SLC2A9: variants seen among roughly 807,000 people sequenced by gnomAD.
SLC2A9 encodes the protein solute carrier family 2, facilitated glucose transporter member 9.
SLC2A9 carries 39 observed loss-of-function variants against 50.6 expected under a neutral mutation model. That is an observed-to-expected ratio of 0.77 (90% CI 0.60 to 1.01). The LOEUF is 1.01. Among genes scored for constraint, SLC2A9 ranks in the 50% least tolerant of loss-of-function variants. SLC2A9 has a pLI of 0.00. For synonymous variants in SLC2A9, 324 were observed against 276.9 expected (o/e 1.17, Z -1.69); for missense variants, 686 against 677.6 (o/e 1.01, Z -0.14).
At chr4:9,788,359 T>TTG (rs1719488385) in intron 3 of SLC2A9, among the ~76,000 whole-genome samples, 1 of 148,116 alleles carries the variant, frequency 6.8e-6, no homozygotes, top group African/African-American at 2.5e-5. Flanking sequence ...CCAGGTAATT[T>TTG]TTTTTTTTTT....
At chr4:9,833,933 T>C (rs1726608333) in intron 11 of SLC2A9, among the ~76,000 whole-genome samples, 1 of 152,196 alleles carries the variant, frequency 6.6e-6, no homozygotes, top group African/African-American at 2.4e-5. Context: ...CTGGGCCCCT[T>C]GCTCTGTGCA....
chr4:9,985,454 C>G (rs1756547098), intron 4 of SLC2A9, among the ~76,000 whole-genome samples: 1 of 152,150 alleles, frequency 6.6e-6, no homozygotes, highest in Non-Finnish European at 1.5e-5. Flanking sequence ...CGGACCCTGC[C>G]CAGCATTCCT....
chr4:10,031,694 A>G (rs1763945020), intron 1 of SLC2A9, among the ~76,000 whole-genome samples: 1 of 152,256 alleles, frequency 6.6e-6, no homozygotes, highest in African/African-American at 2.4e-5. Flanking sequence ...AAGGGGCCGG[A>G]GGACTCCGTT....
chr4:9,948,607 C>T (rs1749636301), intron 5 of SLC2A9, among the ~76,000 whole-genome samples: 1 of 152,222 alleles, frequency 6.6e-6, no homozygotes, highest in African/African-American at 2.4e-5. Flanking sequence ...GAACAAACTG[C>T]ATCCAATGGC....
intron 8 of SLC2A9, among the ~76,000 whole-genome samples, chr4:9,893,307 C>A (rs1256890386): frequency 6.6e-6 from 1 of 151,988 alleles, no homozygotes; most frequent in African/African-American, 2.4e-5. Flanking sequence ...TTTCCCAGAG[C>A]CTGGAAGAAT....
chr4:10,002,837 A>T (rs1266573035), intron 2 of SLC2A9, among the ~76,000 whole-genome samples: 4 of 140,214 alleles, frequency 2.9e-5, no homozygotes, highest in Non-Finnish European at 6.1e-5. Flanking sequence ...TGGGGGACTG[A>T]GCGAGACTCC....
intron 10 of SLC2A9, among the ~76,000 whole-genome samples, chr4:9,859,278 C>T (rs141063862): frequency 2.1e-4 from 32 of 152,278 alleles, no homozygotes; most frequent in African/African-American, 7.2e-4. Flanking sequence ...GAAGCCAGGT[C>T]TATTGGGCTG....
intron 11 of SLC2A9, among the ~76,000 whole-genome samples, chr4:9,832,704 C>A (rs1004159230): frequency 2.6e-5 from 4 of 152,148 alleles, no homozygotes; most frequent in Non-Finnish European, 5.9e-5. Flanking sequence ...AAAAAATTAT[C>A]TAGGTTTGGA....
chr4:9,811,898 G>A (rs376806284), intron 3 of SLC2A9, among the ~76,000 whole-genome samples: 1 of 152,120 alleles, frequency 6.6e-6, no homozygotes, highest in African/African-American at 2.4e-5. Context: ...AAAGCGGAAG[G>A]AAAAAATAAA....
Position 9,985,831 on chromosome 4 carries a change from C to T in SLC2A9, c.411-38G>A, listed in dbSNP as rs775037085. Reference sequence around the variant, plus strand: ...GAAAGATTTGATGAAGATGTCTAACCATGAGGCATGTCACTGAACTGTCCA... The same window carrying T: ...GAAAGATTTGATGAAGATGTCTAACTATGAGGCATGTCACTGAACTGTCCA... On this transcript the variant is annotated intron_variant, in intron 3 of 11. Coordinates refer to ENST00000264784, the MANE Select transcript of SLC2A9 (RefSeq NM_020041.3). The T allele has an allele frequency of 8.7e-6, 14 of 1,613,470 alleles. No individual in the cohort carries two copies. In the Admixed American group the frequency reaches 2.3e-4, roughly 27 times the overall value.
chr4:10,002,717 G>A (rs1008639451), intron 2 of SLC2A9, among the ~76,000 whole-genome samples: 15 of 152,172 alleles, frequency 9.9e-5, no homozygotes, highest in African/African-American at 3.6e-4. Flanking sequence ...GCTGGGTGTG[G>A]TGGTGCACGC....
In SLC2A9 at chr4:9,774,475, A is replaced by G. The variant is rs546894793; in HGVS notation, n.182-3106T>C. ...CACTTTGCCCTCCAGCCCAAATGTC[A>G]TATTTTCTGGACAGCCATTTGCCAT... On this transcript the variant is annotated intron_variant and non_coding_transcript_variant, in intron 1 of 1. Transcript: ENST00000508585. Among the ~76,000 whole-genome samples the G allele has an allele frequency of 6.6e-5, 10 of 152,182 alleles. No individual in the cohort carries two copies. The South Asian group carries it at 2.1e-3, about 32-fold the overall frequency.
rs80119233 is a variant in SLC2A9, at chr4:9,806,723, T to A, written n.421-7482A>T. On this transcript the variant is annotated intron_variant and non_coding_transcript_variant, in intron 3 of 3. Coordinates refer to the SLC2A9 transcript ENST00000503280. ...GGTAGTTGGGGAGCACAATATAGAG[T>A]GCCTAGCTTCACAGCAACCTGGGAA... is the stretch of plus-strand genomic sequence containing the variant. Among the ~76,000 whole-genome samples, 1,085 of 152,174 alleles carry A rather than the reference T, an allele frequency of 7.1e-3. 6 individuals carry two copies. Among genetic ancestry groups the A allele is most frequent in the Non-Finnish European group, 0.012 (843 of 68,008 alleles).
intron 5 of SLC2A9, among the ~76,000 whole-genome samples, chr4:9,973,264 A>G (rs1646240746): frequency 6.6e-6 from 1 of 152,184 alleles, no homozygotes; most frequent in African/African-American, 2.4e-5. Flanking sequence ...GAAACCCTGA[A>G]CAGAACAATA....
intron 5 of SLC2A9, among the ~76,000 whole-genome samples, chr4:9,974,763 C>A (rs1054811955): frequency 3.9e-5 from 6 of 151,988 alleles, no homozygotes; most frequent in African/African-American, 1.2e-4. Context: ...TTCTAAAATT[C>A]ATATAAAACC....
chr4:9,912,866 G>A (rs971961562), intron 7 of SLC2A9, among the ~76,000 whole-genome samples: 10 of 152,326 alleles, frequency 6.6e-5, no homozygotes, highest in Middle Eastern at 6.8e-3. Context: ...TTATCTGGGT[G>A]AGCTGTAAAT....
chr4:9,816,252 C>T (rs1723576785), intron 3 of SLC2A9, among the ~76,000 whole-genome samples: 2 of 152,166 alleles, frequency 1.3e-5, no homozygotes, highest in South Asian at 4.1e-4. Context: ...TTGTGCTCTG[C>T]TCACTCATTA....
rs527869737 is a variant in SLC2A9 at position 9,957,394 on chromosome 4, C to T, written c.682-15349G>A. Among the ~76,000 whole-genome samples the T allele has an allele frequency of 2.6e-5, 4 of 152,280 alleles. No individual in the cohort carries two copies. In the South Asian group the frequency reaches 8.3e-4, roughly 32 times the overall value. On this transcript the variant is annotated intron_variant, in intron 5 of 11. Coordinates refer to ENST00000264784, the MANE Select transcript of SLC2A9 (RefSeq NM_020041.3). ...CGCTGTCATCACTCTTGAGTGAAGCCTTGTCCCTCACCCACAGCTTTTGCT... is the reference window on the plus strand; with the variant it reads ...CGCTGTCATCACTCTTGAGTGAAGCTTTGTCCCTCACCCACAGCTTTTGCT...
intron 6 of SLC2A9, among the ~76,000 whole-genome samples, chr4:9,940,354 C>T (rs1747901630): frequency 1.3e-5 from 2 of 152,186 alleles, no homozygotes; most frequent in Admixed American, 1.3e-4. Flanking sequence ...ACTTCCGTTT[C>T]CTGGTATCTC....
Sources: allele counts gnomAD v4.1 joint callset (sites outside exome capture counted in the v4.1 genomes callset), GRCh38; gene constraint gnomAD v4.1.1; transcripts MANE v1.5; gene names NCBI Gene and HGNC (gene_info 2026-07-23, HGNC 2026-07-21).